Variants in TAF1A observed in about 807,000 individuals in gnomAD.
The protein encoded by TAF1A is TATA box-binding protein-associated factor RNA polymerase I subunit A.
TAF1A carries 42 observed loss-of-function variants against 61.6 expected under a neutral mutation model. The observed-to-expected ratio is 0.68, with a 90% CI of 0.53 to 0.88. The LOEUF (loss-of-function observed/expected upper bound fraction) is 0.88. Ranked by LOEUF, TAF1A falls within the 40% of genes least tolerant of loss-of-function variation. The probability of loss-of-function intolerance (pLI) is 0.00; values close to 1 mark genes in which losing one functional copy is unlikely to be tolerated. For synonymous variants in TAF1A, 179 were observed against 177.7 expected (o/e 1.01, Z -0.06); for missense variants, 424 against 518.7 (o/e 0.82, Z 1.77).
chr1:222,576,806 C>A (rs10495196), intron 5 of TAF1A, among the ~76,000 whole-genome samples: 11,756 of 152,252 alleles, frequency 0.077, 1,117 homozygotes, highest in East Asian at 0.32. Context: ...GTAATAATGA[C>A]TGCTGAAGAA....
chr1:222,572,478 C>T (rs1660398360), intron 5 of TAF1A, among the ~76,000 whole-genome samples: 1 of 152,136 alleles, frequency 6.6e-6, no homozygotes, highest in South Asian at 2.1e-4. Flanking sequence ...TCACCTCAGC[C>T]ACTCAAGTAG....
intron 5 of TAF1A, among the ~76,000 whole-genome samples, chr1:222,576,365 T>C (rs1266560688): frequency 6.6e-6 from 1 of 152,124 alleles, no homozygotes; most frequent in Non-Finnish European, 1.5e-5. Flanking sequence ...ATACCACTTA[T>C]CACATAAGGA....
downstream of TAF1A, among the ~76,000 whole-genome samples, chr1:222,555,719 A>G (rs992539541): frequency 2.6e-5 from 4 of 152,218 alleles, no homozygotes; most frequent in African/African-American, 4.8e-5. Context: ...TCACACATAC[A>G]TACACAATAC....
intron 2 of TAF1A, among the ~76,000 whole-genome samples, chr1:222,587,645 G>A (rs1215829294): frequency 6.6e-6 from 1 of 152,024 alleles, no homozygotes; most frequent in Non-Finnish European, 1.5e-5. Flanking sequence ...TTCTTATAGG[G>A]AATTTATCCC....
At chr1:222,588,359 C>A in intron 2 of TAF1A, 84 bp downstream of exon 2, 2 of 1,477,540 alleles carry the variant, frequency 1.4e-6, no homozygotes, top group South Asian at 1.3e-5. Context: ...AAAATTAAAC[C>A]AGTCTGGTTA....
At chr1:222,574,287 GA>G (rs946439167) in intron 5 of TAF1A, among the ~76,000 whole-genome samples, 2 of 151,596 alleles carry the variant, frequency 1.3e-5, no homozygotes, top group South Asian at 2.1e-4. Flanking sequence ...AAGCTATAAA[GA>G]AAAAAAACCA....
At chr1:222,554,587 A>G (rs1423046732), downstream of TAF1A, among the ~76,000 whole-genome samples, 1 of 150,224 alleles carries the variant, frequency 6.7e-6, no homozygotes, top group African/African-American at 2.4e-5. Flanking sequence ...AAAAGGGCAC[A>G]CCTATCTGTT....
Position 222,571,915 on chromosome 1 carries a change from A to G in TAF1A, c.605-1250T>C, listed in dbSNP as rs537629859. Among the ~76,000 whole-genome samples the G allele has an allele frequency of 4.6e-5, 7 of 152,274 alleles. No individual in the cohort carries two copies. In the East Asian group the frequency reaches 1.2e-3, roughly 25 times the overall value. On this transcript the variant is annotated intron_variant, in intron 5 of 10. Transcript: ENST00000352967. ...GAATCTTTAAAAAGGACAAAGTTGG[A>G]TAATGTACTCTATGACTATGGCCAG...
Position 222,558,671 on chromosome 1 carries a change from G to C in TAF1A, c.1342C>G (p.Pro448Ala). 1 of 1,538,108 alleles carries C rather than the reference G, an allele frequency of 6.5e-7. No individual in the cohort carries two copies. The highest frequency in any genetic ancestry group is 8.8e-7 in the Non-Finnish European group (1 of 1,135,872). ...RSVKKYSIVN[P>A]RL is the part of the protein sequence containing the mutation. The stretch of plus-strand genomic sequence containing the variant: ...ACTAAAATTCAGTATCAGAGTCTTG[G>C]ATTTACAATACTGTATTTTTTCACA... The change falls in exon 11 of 11, where the codon CCA (proline) becomes GCA (alanine). Residue 448 changes from proline (P) to alanine (A), a missense_variant. Physicochemically the swap from Pro to Ala is conservative, Grantham distance 27. Coordinates refer to ENST00000352967, the MANE Select transcript of TAF1A (RefSeq NM_005681.4).
At chr1:222,554,402 T>C (rs1438171124), downstream of TAF1A, among the ~76,000 whole-genome samples, 1 of 152,228 alleles carries the variant, frequency 6.6e-6, no homozygotes, top group African/African-American at 2.4e-5. Flanking sequence ...TGGTGGCAGA[T>C]TGGTTTAGAA....
chr1:222,562,204 T>C (rs1028473322), intron 9 of TAF1A, among the ~76,000 whole-genome samples: 1 of 152,214 alleles, frequency 6.6e-6, no homozygotes, highest in African/African-American at 2.4e-5. Context: ...TAGTTAACTT[T>C]TTTGAGTGGT....
At chr1:222,587,015 T>C (rs149807127) in intron 2 of TAF1A, among the ~76,000 whole-genome samples, 1 of 152,340 alleles carries the variant, frequency 6.6e-6, no homozygotes, top group East Asian at 1.9e-4. Context: ...GACTCAGACT[T>C]TCTATAGAAC....
chr1:222,573,130 G>A (rs1169775197), intron 5 of TAF1A, among the ~76,000 whole-genome samples: 2 of 152,190 alleles, frequency 1.3e-5, no homozygotes, highest in East Asian at 1.9e-4. Flanking sequence ...TTAGCTGGGC[G>A]TGGTGGCAGG....
At chr1:222,578,459 C>T (rs1353822532) in intron 4 of TAF1A, among the ~76,000 whole-genome samples, 1 of 152,202 alleles carries the variant, frequency 6.6e-6, no homozygotes, top group Non-Finnish European at 1.5e-5. Context: ...CTGGGTATGG[C>T]ACACAGGGCC....
At chr1:222,565,398 T>A (rs1346472205) in intron 7 of TAF1A, among the ~76,000 whole-genome samples, 2 of 152,252 alleles carry the variant, frequency 1.3e-5, no homozygotes, top group African/African-American at 4.8e-5. Flanking sequence ...GAGATCTTAA[T>A]TCCAAATACC....
chr1:222,580,132 G>A (rs1356575432), intron 3 of TAF1A, among the ~76,000 whole-genome samples: 1 of 152,166 alleles, frequency 6.6e-6, no homozygotes, highest in African/African-American at 2.4e-5. Context: ...TTTAAAGAAA[G>A]TAGACAGTTA....
chr1:222,572,084 T>G (rs958510338), intron 5 of TAF1A, among the ~76,000 whole-genome samples: 2 of 152,018 alleles, frequency 1.3e-5, no homozygotes, highest in African/African-American at 2.4e-5. Context: ...CTGGGCGTGG[T>G]GGCACACGCC....
intron 3 of TAF1A, 104 bp from the exon 4 acceptor site, chr1:222,579,976 T>C: frequency 3.0e-6 from 4 of 1,337,788 alleles, no homozygotes; most frequent in Non-Finnish European, 4.0e-6. Flanking sequence ...CTGTGATTCC[T>C]TTTCCAGAGA....
chr1:222,557,284 T>TTA (rs1368819849), downstream of TAF1A, among the ~76,000 whole-genome samples: 3 of 152,114 alleles, frequency 2.0e-5, no homozygotes, highest in African/African-American at 7.2e-5. Flanking sequence ...TTCCAACATA[T>TTA]TATAAAGCTC....
Sources: allele counts gnomAD v4.1 joint callset (sites outside exome capture counted in the v4.1 genomes callset), GRCh38; gene constraint gnomAD v4.1.1; transcripts MANE v1.5; gene names NCBI Gene and HGNC (gene_info 2026-07-23, HGNC 2026-07-21).